HNRNPH1: variants seen among roughly 807,000 people sequenced by gnomAD.
HNRNPH1 encodes the protein heterogeneous nuclear ribonucleoprotein H.
A neutral mutation model predicts 58.6 loss-of-function variants in HNRNPH1; 4 were observed. That is an observed-to-expected ratio of 0.07 (90% confidence interval 0.03 to 0.16). HNRNPH1 has a LOEUF of 0.16. HNRNPH1 is among the 10% of genes least tolerant of loss of function. The probability of loss-of-function intolerance (pLI) is 1.00; values close to 1 mark genes in which losing one functional copy is unlikely to be tolerated. For missense variants in HNRNPH1, 271 were observed against 564.2 expected (o/e 0.48, Z 5.26); for synonymous variants, 192 against 189.2 (o/e 1.01, Z -0.12).
In HNRNPH1 at chr5:179,618,131, G is replaced by A. The variant is rs374187855; in HGVS notation, c.715+14C>T. The A allele has an allele frequency of 5.0e-6, 8 of 1,613,244 alleles. No individual in the cohort carries two copies. The highest frequency in any genetic ancestry group is 1.6e-4 in the Middle Eastern group (1 of 6,078). ...GAACAGACGACTTGCCGAACCTTAC[G>A]AATCCTCACGTACCTCCACCATAAG... On this transcript the variant is annotated intron_variant, in intron 5 of 12. Transcript: ENST00000356731.
At chr5:179,616,992 TA>T (rs71591434) in intron 9 of HNRNPH1, 34 bp from the exon 11 acceptor site, 4 of 1,588,578 alleles carry the variant, frequency 2.5e-6, no homozygotes, top group South Asian at 1.1e-5. Flanking sequence ...AAGGTTAGCT[TA>T]AAAAAAAGAC....
At chr5:179,621,386 G>T in exon 2 of HNRNPH1, 1 of 1,612,664 alleles carries the variant, frequency 6.2e-7, no homozygotes, top group Non-Finnish European at 8.5e-7. Flanking sequence ...GCCCCATTTT[G>T]AATTTTGCAG....
intron 2 of HNRNPH1, among the ~76,000 whole-genome samples, chr5:179,629,714 T>C (rs2127738920): frequency 6.6e-6 from 1 of 152,342 alleles, no homozygotes; most frequent in Non-Finnish European, 1.5e-5. Context: ...AATTATATTT[T>C]CATGGATTTC....
Position 179,618,352 on chromosome 5 carries a change from G to C in HNRNPH1, c.537-29C>G, listed in dbSNP as rs751946824. The C allele has an allele frequency of 4.0e-6, 6 of 1,515,538 alleles. No individual in the cohort carries two copies. The East Asian group carries it at 1.4e-4, about 34-fold the overall frequency. The allele number at this position is 1,515,538 out of a possible 1,614,324, so 93.9% of individuals were successfully genotyped here. On this transcript the variant is annotated intron_variant, in intron 4 of 12. Transcript: ENST00000356731. ...AAGCATTGTTCATAAGGAAGGGGTA[G>C]GGAGGGGAGAGAAAACATTAGTTCA...
chr5:179,616,093 C>T, intron 11 of HNRNPH1, 33 bp downstream of exon 12: 12 of 1,525,874 alleles, frequency 7.9e-6, no homozygotes, highest in Non-Finnish European at 1.1e-5. Context: ...TTTACCATAA[C>T]TTACTCTAAG....
chr5:179,617,854 T>C lies in HNRNPH1; in HGVS notation c.866A>G (p.His289Arg). 6.2e-7 allele frequency: 1 copy of C among 1,613,380 alleles called. No individual in the cohort carries two copies. Among genetic ancestry groups the C allele is most frequent in the Non-Finnish European group, 8.5e-7 (1 of 1,179,304 alleles). Residue 289 changes from histidine (H) to arginine (R), a missense_variant, in exon 7 of 13, where the codon CAC becomes CGC. Physicochemically the swap from His to Arg is conservative, Grantham distance 29. This residue lies in a region of HNRNPH1 where 74 missense variants were observed against 127.3 expected (regional missense o/e 0.58). Transcript: ENST00000356731. Reference sequence around the variant, plus strand: ...AGGTAATCCCCGCATGTGTACACAGTGTCCTGTTGTGCTCTGGAAAGTAGA... The same window carrying C: ...AGGTAATCCCCGCATGTGTACACAGCGTCCTGTTGTGCTCTGGAAAGTAGA...
chr5:179,619,643 A>C (rs1020159781), intron 3 of HNRNPH1: 1 of 310,622 alleles, frequency 3.2e-6, no homozygotes, highest in Non-Finnish European at 5.9e-6. Flanking sequence ...CTTGCTGAAC[A>C]CAGGATGCAT....
At chr5:179,621,855 C>G (rs1371961957) in intron 1 of HNRNPH1, 5 of 440,850 alleles carry the variant, frequency 1.1e-5, no homozygotes, top group Non-Finnish European at 1.8e-5. Flanking sequence ...GAAAGGGGAT[C>G]AGTGTTACCA....
chr5:179,633,824 T>C (rs1304289402), intron 2 of HNRNPH1: 1 of 152,006 alleles, frequency 6.6e-6, no homozygotes, highest in African/African-American at 2.4e-5. Flanking sequence ...TGAGGCAGAA[T>C]TGTTTGAACC....
intron 11 of HNRNPH1, 131 bp from the exon 13 acceptor site, chr5:179,615,726 TCTA>T (rs777728408): frequency 5.5e-6 from 3 of 550,424 alleles, no homozygotes; most frequent in South Asian, 2.7e-5. Flanking sequence ...CAACCACCAT[TCTA>T]CTATTTCAAA....
intron 4 of HNRNPH1, 104 bp from the exon 6 acceptor site, chr5:179,618,427 G>A (rs1770807496): frequency 9.8e-6 from 7 of 714,362 alleles, no homozygotes; most frequent in South Asian, 2.3e-5. Context: ...TCATAGCCAT[G>A]AAACTGACTA....
At chr5:179,628,212 A>C (rs1437827823), upstream of HNRNPH1, among the ~76,000 whole-genome samples, 1 of 152,148 alleles carries the variant, frequency 6.6e-6, no homozygotes, top group Non-Finnish European at 1.5e-5. Context: ...TTTGTCTTTA[A>C]GTTTAGAAAG....
rs1772131939 is a variant in HNRNPH1, at chr5:179,621,171, A to C, written c.253+71T>G. On this transcript the variant is annotated intron_variant, in intron 2 of 12. Coordinates refer to ENST00000356731, the Ensembl canonical transcript of HNRNPH1. ...CCATTTCCATGCAGTCAAATACCTA[A>C]AATTCAGAAGGGGTGAGACCTCTAT... 1.3e-6 allele frequency: 2 copies of C among 1,531,360 alleles called. No individual in the cohort carries two copies. Among genetic ancestry groups the C allele is most frequent in the East Asian group, 4.5e-5 (2 of 44,354 alleles). 94.9% of individuals were successfully genotyped at this position (1,531,360 alleles called of 1,614,324 possible).
At chr5:179,630,387 G>GAA (rs1774733672) in intron 2 of HNRNPH1, among the ~76,000 whole-genome samples, 2 of 151,818 alleles carry the variant, frequency 1.3e-5, no homozygotes, top group South Asian at 4.2e-4. Context: ...AAAAAGAAAA[G>GAA]AAAATATGCA....
chr5:179,630,321 C>T (rs908281736), intron 2 of HNRNPH1, among the ~76,000 whole-genome samples: 1 of 151,766 alleles, frequency 6.6e-6, no homozygotes, highest in South Asian at 2.1e-4. Flanking sequence ...TGCACTCCAG[C>T]CTGGGCAACA....
exon 1 of HNRNPH1, chr5:179,623,743 C>T (rs1773954636): frequency 6.6e-6 from 1 of 152,590 alleles, no homozygotes; most frequent in African/African-American, 2.4e-5. Flanking sequence ...CAGCTGCCCG[C>T]ACCGCCCCGT....
At chr5:179,624,589 G>C in exon 1 of HNRNPH1, 1 of 398,772 alleles carries the variant, frequency 2.5e-6, no homozygotes, top group Middle Eastern at 6.3e-4. Flanking sequence ...AGGCGTAGAC[G>C]CTGCATTCGA....
At chr5:179,614,257 A>C (rs576561388) in exon 13 of HNRNPH1, 2 of 152,662 alleles carry the variant, frequency 1.3e-5, no homozygotes, top group African/African-American at 4.8e-5. Context: ...ATACAATGAA[A>C]GATTTAAATC....
exon 13 of HNRNPH1, chr5:179,614,954 G>A: frequency 6.5e-7 from 1 of 1,532,440 alleles, no homozygotes; most frequent in Non-Finnish European, 8.8e-7. Context: ...ACTGCTCCTT[G>A]GTTACCTGCA....
Sources: allele counts gnomAD v4.1 joint callset (sites outside exome capture counted in the v4.1 genomes callset), GRCh38; gene constraint gnomAD v4.1.1; regional missense constraint gnomAD v4.1.1; transcripts MANE v1.5; gene names NCBI Gene and HGNC (gene_info 2026-07-23, HGNC 2026-07-21).